ERCC1: variants seen among roughly 807,000 people sequenced by gnomAD.
ERCC1 encodes the protein ERCC excision repair 1, endonuclease non-catalytic subunit, also known as DNA excision repair protein ERCC-1.
ERCC1 carries 36 observed loss-of-function variants against 37.6 expected under a neutral mutation model. The ratio of observed to expected loss-of-function variants is 0.96; its 90% CI spans 0.73 to 1.26. The LOEUF (loss-of-function observed/expected upper bound fraction) is 1.26. ERCC1 is among the 50% of genes most tolerant of loss of function. The pLI is 0.00. For missense variants in ERCC1, 349 were observed against 376.5 expected, an observed-to-expected ratio of 0.93 and a Z score of 0.60; for synonymous variants, 156 against 162.1, an observed-to-expected ratio of 0.96 and a Z score of 0.28.
chr19:45,412,097 G>A (rs537772005), intron 9 of ERCC1, among the ~76,000 whole-genome samples: 4 of 151,936 alleles, frequency 2.6e-5, no homozygotes, highest in South Asian at 2.1e-4. Flanking sequence ...CTGACCTCAC[G>A]ATCCACCCGC....
At chr19:45,413,012 A>C (rs907444160) in intron 9 of ERCC1, among the ~76,000 whole-genome samples, 3 of 152,220 alleles carry the variant, frequency 2.0e-5, no homozygotes, top group African/African-American at 7.2e-5. Context: ...AAGTGCTGGG[A>C]TTACAGGCCC....
At chr19:45,416,574 C>T (rs1361492844) in intron 6 of ERCC1, 1 of 504,134 alleles carries the variant, frequency 2.0e-6, no homozygotes, top group African/African-American at 1.9e-5. Context: ...GCTTGAACCC[C>T]CAAGGCAGAG....
rs140862830 is a variant in ERCC1, at chr19:45,408,198, G to T, written c.*1477C>A. On this transcript the variant is annotated 3_prime_UTR_variant, in exon 10 of 10. Transcript: ENST00000300853. ...GTCAAGGGCAAATTGGCAGGCAAGC[G>T]GCACCGCTATCGAGTCCTCAGCAGC... 4 of 1,613,498 alleles carry T rather than the reference G, an allele frequency of 2.5e-6. No individual in the cohort carries two copies. The highest frequency in any genetic ancestry group is 2.5e-6 in the Non-Finnish European group (3 of 1,179,580).
At chr19:45,413,874 G>T in intron 8 of ERCC1, 89 bp downstream of exon 8, 3 of 1,569,630 alleles carry the variant, frequency 1.9e-6, no homozygotes, top group Admixed American at 3.3e-5. Context: ...GCAAGGGGTG[G>T]GCAGGGAGAT....
chr19:45,436,432 C>T (rs754362925), intron 1 of ERCC1, among the ~76,000 whole-genome samples: 1 of 152,046 alleles, frequency 6.6e-6, no homozygotes, highest in African/African-American at 2.4e-5. Flanking sequence ...CGAGACTATC[C>T]TGGTCAACAT....
chr19:45,445,014 G>T (rs1032431958), intron 1 of ERCC1, among the ~76,000 whole-genome samples: 10 of 152,090 alleles, frequency 6.6e-5, no homozygotes, highest in African/African-American at 1.4e-4. Flanking sequence ...CCGATTTTTT[G>T]TTGTTGTTGT....
intron 4 of ERCC1, chr19:45,419,398 T>G (rs757694932): frequency 1.7e-6 from 1 of 579,134 alleles, no homozygotes; most frequent in African/African-American, 1.9e-5. Flanking sequence ...CAGGGCCACA[T>G]GGCTGTGCTT....
chr19:45,441,264 G>A (rs1357094533), intron 1 of ERCC1, among the ~76,000 whole-genome samples: 1 of 152,218 alleles, frequency 6.6e-6, no homozygotes. Flanking sequence ...TTTAAAGGGA[G>A]CACACTGACT....
chr19:45,410,339 A>G (rs1473628937), intron 9 of ERCC1: 1 of 151,708 alleles, frequency 6.6e-6, no homozygotes, highest in Non-Finnish European at 1.5e-5. Context: ...GCCCACCACT[A>G]TACCCGGCTA....
At position 45,409,895 on chromosome 19, in the gene ERCC1, A is replaced by ATTTTTTTTT. The variant is rs57573120; in HGVS notation, c.844-179_844-171dup. On this transcript the variant is annotated intron_variant, in intron 9 of 9. Coordinates refer to ENST00000300853, the MANE Select transcript of ERCC1 (RefSeq NM_001983.4). Reference sequence around the variant, plus strand: ...TTTTTAAGTTATTATTATTATTATTATTTTTTTTTTTTTTGAGATGGAGTC... The same window carrying ATTTTTTTTT: ...TTTTTAAGTTATTATTATTATTATTATTTTTTTTTTTTTTTTTTTTTTTGAGATGGAGTC... 6.4e-4 allele frequency: 110 copies of ATTTTTTTTT among 171,634 alleles called. 1 individual carries two copies. The highest frequency in any genetic ancestry group is 1.6e-3 in the African/African-American group (57 of 36,478). 10.6% of individuals were successfully genotyped at this position (171,634 alleles called of 1,614,324 possible).
intron 9 of ERCC1, among the ~76,000 whole-genome samples, chr19:45,412,645 T>G (rs571255015): frequency 6.6e-6 from 1 of 152,370 alleles, no homozygotes; most frequent in South Asian, 2.1e-4. Flanking sequence ...ATTGATTCCT[T>G]GTCAGATGGT....
upstream of ERCC1, among the ~76,000 whole-genome samples, chr19:45,427,473 G>C (rs1297624290): frequency 6.6e-6 from 1 of 151,944 alleles, no homozygotes; most frequent in African/African-American, 2.4e-5. Context: ...AAATTAGCCG[G>C]GCGTGGTGGC....
chr19:45,432,211 C>A (rs1453666966), intron 1 of ERCC1, among the ~76,000 whole-genome samples: 1 of 151,884 alleles, frequency 6.6e-6, no homozygotes, highest in East Asian at 1.9e-4. Flanking sequence ...ACCTCATGAT[C>A]CACCCGCCTT....
At chr19:45,423,077 G>A (rs908522012) in intron 2 of ERCC1, among the ~76,000 whole-genome samples, 193 bp downstream of exon 2, 12 of 152,174 alleles carry the variant, frequency 7.9e-5, no homozygotes, top group African/African-American at 1.2e-4. Flanking sequence ...CTCTGCCTTA[G>A]CCCTCTCTTA....
intron 1 of ERCC1, among the ~76,000 whole-genome samples, chr19:45,437,286 A>G (rs1341456181): frequency 6.6e-6 from 1 of 152,028 alleles, no homozygotes; most frequent in Non-Finnish European, 1.5e-5. Context: ...GTGTGTGTAT[A>G]TATATATATA....
At chr19:45,438,735 T>C (rs1599861253) in intron 1 of ERCC1, among the ~76,000 whole-genome samples, 1 of 151,912 alleles carries the variant, frequency 6.6e-6, no homozygotes, top group Admixed American at 6.6e-5. Context: ...TCCGCCTCCC[T>C]GGGTCCAGCA....
In ERCC1 at chr19:45,407,543, C is replaced by G. The variant is rs548752904; in HGVS notation, c.*2132G>C. 77 of 344,518 alleles carry G rather than the reference C, an allele frequency of 2.2e-4. No homozygotes were observed. The highest frequency in any genetic ancestry group is 3.0e-4 in the Non-Finnish European group (58 of 191,884). 21.3% of individuals were successfully genotyped at this position (344,518 alleles called of 1,614,324 possible). A position where few individuals can be genotyped will look rare whatever the true frequency, so the allele number is the denominator to read the frequency against. On this transcript the variant is annotated 3_prime_UTR_variant, in exon 10 of 10. Coordinates refer to ENST00000300853, the MANE Select transcript of ERCC1 (RefSeq NM_001983.4). ...ACGACCATTAATCCTGCAACCTAAG[C>G]TTGCTCATTTATGTTATATTTAAGT...
Position 45,408,521 on chromosome 19 carries a change from C to G in ERCC1, c.*1154G>C. 6.2e-7 allele frequency: 1 copy of G among 1,614,004 alleles called. No homozygotes were observed. Among genetic ancestry groups the G allele is most frequent in the Non-Finnish European group, 8.5e-7 (1 of 1,179,998 alleles). On this transcript the variant is annotated 3_prime_UTR_variant, in exon 10 of 10. Coordinates refer to ENST00000300853, the MANE Select transcript of ERCC1 (RefSeq NM_001983.4). ...AAAGGAGATGCAGGTGACAGAGGCC[C>G]CAGTCACTCAGGAGGCAGTGAATGG... is the stretch of plus-strand genomic sequence containing the variant.
chr19:45,409,523 A>C lies in ERCC1; in HGVS notation c.*152T>G, dbSNP rs753826588. 6.3e-7 allele frequency: 1 copy of C among 1,587,854 alleles called. No individual in the cohort carries two copies. Among genetic ancestry groups the C allele is most frequent in the South Asian group, 1.1e-5 (1 of 88,268 alleles). On this transcript the variant is annotated 3_prime_UTR_variant, in exon 10 of 10. Coordinates refer to ENST00000300853, the MANE Select transcript of ERCC1 (RefSeq NM_001983.4). ...GTAGTCTGCCCCCGGGAAACTGAGG[A>C]ACTAAAGAAAGCTGAAGGTGCCCAC...
Sources: allele counts gnomAD v4.1 joint callset (sites outside exome capture counted in the v4.1 genomes callset), GRCh38; gene constraint gnomAD v4.1.1; transcripts MANE v1.5; gene names NCBI Gene and HGNC (gene_info 2026-07-23, HGNC 2026-07-21).